USP3: variants seen among roughly 807,000 people sequenced by gnomAD.
USP3 encodes ubiquitin carboxyl-terminal hydrolase 3.
A neutral mutation model predicts 72.3 loss-of-function variants in USP3; 20 were observed. The ratio of observed to expected loss-of-function variants is 0.28; its 90% confidence interval spans 0.19 to 0.40. USP3 has a LOEUF of 0.40. Among genes scored for constraint, USP3 ranks in the 10% least tolerant of loss-of-function variants. The pLI is 1.00. For missense variants in USP3, 479 were observed against 633.9 expected (o/e 0.76, Z 2.62); for synonymous variants, 222 against 225.3 (o/e 0.99, Z 0.13).
intron 2 of USP3, among the ~76,000 whole-genome samples, chr15:63,535,475 A>G (rs2066141968): frequency 6.6e-6 from 1 of 152,244 alleles, no homozygotes; most frequent in South Asian, 2.1e-4. Flanking sequence ...AAATGAGAAA[A>G]CAAGTACAGA....
chr15:63,541,946 C>A, intron 3 of USP3: 2 of 506,592 alleles, frequency 3.9e-6, no homozygotes, highest in Non-Finnish European at 5.1e-6. Context: ...TAGTGTTATG[C>A]ATGGCTTACT....
intron 11 of USP3, among the ~76,000 whole-genome samples, chr15:63,575,985 C>CTT (rs35737078): frequency 7.6e-4 from 91 of 119,742 alleles, no homozygotes; most frequent in South Asian, 1.3e-3. Flanking sequence ...CTGAACAATA[C>CTT]TTTTTTTTTT....
chr15:63,546,131 G>C (rs2066324082), intron 3 of USP3, among the ~76,000 whole-genome samples: 1 of 152,030 alleles, frequency 6.6e-6, no homozygotes, highest in Admixed American at 6.5e-5. Flanking sequence ...ATGAAGTCCT[G>C]TGTATATGAA....
At chr15:63,519,553 ATTACT>A (rs1409528208) in intron 1 of USP3, among the ~76,000 whole-genome samples, 1 of 152,164 alleles carries the variant, frequency 6.6e-6, no homozygotes, top group Non-Finnish European at 1.5e-5. Context: ...ACTAACTTTG[ATTACT>A]TTATTAAGGT....
rs35244583 is a variant in USP3 at position 63,520,554 on chromosome 15, A to ATTTTTTTTTTTTTTTTTTT, written c.92-12084_92-12066dup. Among the ~76,000 whole-genome samples, 81 of 105,424 alleles carry ATTTTTTTTTTTTTTTTTTT rather than the reference A, an allele frequency of 7.7e-4. 39 individuals carry two copies. The highest frequency in any genetic ancestry group is 1.3e-3 in the South Asian group (4 of 3,126). 69.2% of individuals were successfully genotyped at this position (105,424 alleles called of 152,430 possible). A position where few individuals can be genotyped will look rare whatever the true frequency, so the allele number is the denominator to read the frequency against. On this transcript the variant is annotated intron_variant, in intron 1 of 14. Transcript: ENST00000380324. Reference sequence around the variant, plus strand: ...TTTGTTTGTTTGATTTCTGTTTTAGATTTTTTTTTTTTTTTTTTTTTTTTT... The same window carrying ATTTTTTTTTTTTTTTTTTT: ...TTTGTTTGTTTGATTTCTGTTTTAGATTTTTTTTTTTTTTTTTTTTTTTTTTTTTTTTTTTTTTTTTTTT...
At chr15:63,561,639 C>T (rs1243505893) in intron 7 of USP3, among the ~76,000 whole-genome samples, 1 of 152,218 alleles carries the variant, frequency 6.6e-6, no homozygotes, top group Non-Finnish European at 1.5e-5. Context: ...ATGGGCAAAG[C>T]CCAGGCTGTG....
intron 2 of USP3, among the ~76,000 whole-genome samples, chr15:63,533,256 T>G (rs1001765077): frequency 6.6e-6 from 1 of 152,160 alleles, no homozygotes; most frequent in Admixed American, 6.5e-5. Context: ...CTTTTGAAAA[T>G]GATCTCATTG....
intron 5 of USP3, chr15:63,556,970 C>A: frequency 2.5e-6 from 1 of 401,452 alleles, no homozygotes; most frequent in Non-Finnish European, 4.6e-6. Context: ...TACTGCTGTG[C>A]TCCTCTTCCC....
At position 63,544,096 on chromosome 15, in the gene USP3, A is replaced by C. The variant is rs1461655743; in HGVS notation, c.284+6940A>C. Reference sequence around the variant, plus strand: ...TAATAATAGTATGAAGATATTGTGAATAGCAAGACATTTAATATAGTTTAT... The same window carrying C: ...TAATAATAGTATGAAGATATTGTGACTAGCAAGACATTTAATATAGTTTAT... On this transcript the variant is annotated intron_variant, in intron 3 of 14. Transcript: ENST00000380324. The surrounding 1 kb of genome is among the most constrained non-coding windows in gnomAD (Gnocchi z 4.2). Among the ~76,000 whole-genome samples, 1 of 151,088 alleles carries C rather than the reference A, an allele frequency of 6.6e-6. No homozygotes were observed. The highest frequency in any genetic ancestry group is 1.5e-5 in the Non-Finnish European group (1 of 67,830).
chr15:63,562,638 C>A (rs1462851706), intron 7 of USP3, among the ~76,000 whole-genome samples: 1 of 152,220 alleles, frequency 6.6e-6, no homozygotes, highest in Non-Finnish European at 1.5e-5. Context: ...CGTGTTTTAA[C>A]TCAAAGTGTA....
In USP3 at chr15:63,521,072, TAAAGA is replaced by T. The variant is rs148652919; in HGVS notation, c.92-11570_92-11566del. 2.5e-3 allele frequency among the ~76,000 whole-genome samples: 374 copies of T among 151,838 alleles called. 5 individuals are homozygous for T. The highest frequency in any genetic ancestry group is 8.7e-3 in the African/African-American group (360 of 41,390). ...TTGATCTTTCCTGTGTTTCTTTTTG[TAAAGA>T]AAAGCAGGTGGGTATTTTCTTTTTT... On this transcript the variant is annotated intron_variant, in intron 1 of 14. Coordinates refer to ENST00000380324, the MANE Select transcript of USP3 (RefSeq NM_006537.4).
At chr15:63,584,780 CTA>C (rs563751221) in intron 11 of USP3, among the ~76,000 whole-genome samples, 16 of 152,258 alleles carry the variant, frequency 1.1e-4, no homozygotes, top group African/African-American at 3.6e-4. Flanking sequence ...TTCAGCTTAT[CTA>C]TTTTTTCTTT....
intron 2 of USP3, 38 bp from the exon 3 acceptor site, chr15:63,536,987 G>A (rs2066167826): frequency 1.3e-6 from 2 of 1,586,792 alleles, no homozygotes. Flanking sequence ...AATTTCCAAA[G>A]CAATATTTAA....
At chr15:63,518,646 C>T (rs150887121) in intron 1 of USP3, among the ~76,000 whole-genome samples, 233 of 152,288 alleles carry the variant, frequency 1.5e-3, no homozygotes, top group African/African-American at 5.3e-3. Flanking sequence ...ATTTGCCAGT[C>T]GTTCACATTT....
At chr15:63,536,727 G>A (rs578215350) in intron 2 of USP3, among the ~76,000 whole-genome samples, 91 of 151,970 alleles carry the variant, frequency 6.0e-4, no homozygotes, top group Non-Finnish European at 1.1e-3. Flanking sequence ...GATGGTGGGC[G>A]CCTGTAGTCC....
intron 3 of USP3, among the ~76,000 whole-genome samples, chr15:63,546,623 G>A (rs1241380076): frequency 3.9e-5 from 6 of 152,026 alleles, no homozygotes; most frequent in Admixed American, 3.3e-4. Context: ...TTTGTGAGAT[G>A]GAGTCTTGCT....
At position 63,588,644 on chromosome 15, in the gene USP3, C is replaced by A; in HGVS notation, c.1216-58C>A. On this transcript the variant is annotated intron_variant, in intron 12 of 14. Coordinates refer to ENST00000380324, the MANE Select transcript of USP3 (RefSeq NM_006537.4). The surrounding 1 kb of genome is among the most constrained non-coding windows in gnomAD (Gnocchi z 4.6). ...TTACTGAACTGATAGTAGTATCAAA[C>A]TTTGACTGAAAGGTAAATTAGGTGT... 1 of 1,341,612 alleles carries A rather than the reference C, an allele frequency of 7.5e-7. No individual in the cohort carries two copies. Among genetic ancestry groups the A allele is most frequent in the Non-Finnish European group, 1.1e-6 (1 of 946,010 alleles). The allele number at this position is 1,341,612 out of a possible 1,614,324, so 83.1% of individuals were successfully genotyped here.
chr15:63,530,865 A>G (rs1182442011), intron 1 of USP3, among the ~76,000 whole-genome samples: 2 of 152,198 alleles, frequency 1.3e-5, no homozygotes, highest in East Asian at 3.8e-4. Context: ...TCTCCCTCAC[A>G]ATAAGTCTTC....
intron 14 of USP3, among the ~76,000 whole-genome samples, chr15:63,589,433 T>C (rs1021065205): frequency 6.6e-6 from 1 of 152,258 alleles, no homozygotes; most frequent in Non-Finnish European, 1.5e-5. Flanking sequence ...TCTAACCTTC[T>C]GGTTTTTGGT....
Sources: allele counts gnomAD v4.1 joint callset (sites outside exome capture counted in the v4.1 genomes callset), GRCh38; gene constraint gnomAD v4.1.1; non-coding constraint Gnocchi (gnomAD v3.1); transcripts MANE v1.5; gene names NCBI Gene and HGNC (gene_info 2026-07-23, HGNC 2026-07-21).